The following DCC variants were observed in gnomAD, a reference collection of about 807,000 sequenced individuals.
DCC encodes DCC netrin 1 receptor, also known as netrin receptor DCC.
In DCC, 58 loss-of-function variants were observed where a neutral mutation model predicts 172.5. The observed-to-expected ratio is 0.34, with a 90% CI of 0.27 to 0.42. The LOEUF (loss-of-function observed/expected upper bound fraction) is 0.42, where lower values mean the gene tolerates loss of function less well. Among genes scored for constraint, DCC ranks in the 10% least tolerant of loss-of-function variants. DCC has a pLI of 1.00. For missense variants in DCC, 1,740 were observed against 1,791.0 expected, an observed-to-expected ratio of 0.97 and a Z score of 0.51; for synonymous variants, 709 against 644.5, an observed-to-expected ratio of 1.10 and a Z score of -1.52.
intron 12 of DCC, among the ~76,000 whole-genome samples, chr18:53,257,455 A>G (rs993619453): frequency 6.6e-6 from 1 of 152,218 alleles, no homozygotes; most frequent in African/African-American, 2.4e-5. Flanking sequence ...CCTTTTCTGC[A>G]TCTATTGAGA....
At position 52,398,422 on chromosome 18, in the gene DCC, C is replaced by T. The variant is rs575785332; in HGVS notation, c.91+57544C>T. Among the ~76,000 whole-genome samples the T allele has an allele frequency of 4.5e-4, 69 of 152,038 alleles. 5 individuals are homozygous for T. In the South Asian group the frequency reaches 0.014, roughly 31 times the overall value. On this transcript the variant is annotated intron_variant, in intron 1 of 28. Transcript: ENST00000442544. ...AGGTGTTACTAACTTGATCATTCTT[C>T]TGGCACTCTATTACATACCATTTTG...
intron 1 of DCC, among the ~76,000 whole-genome samples, chr18:52,595,073 C>T (rs2033878296): frequency 1.3e-5 from 2 of 152,172 alleles, no homozygotes; most frequent in African/African-American, 4.8e-5. Context: ...GAATGTATCA[C>T]TTCCCTCTCC....
At chr18:52,854,748 C>A (rs965376442) in intron 2 of DCC, among the ~76,000 whole-genome samples, 1 of 152,120 alleles carries the variant, frequency 6.6e-6, no homozygotes. Flanking sequence ...ACAGAAAGCC[C>A]GCCAGCAGGG....
At chr18:53,375,191 G>A (rs542180314) in intron 15 of DCC, among the ~76,000 whole-genome samples, 1 of 152,158 alleles carries the variant, frequency 6.6e-6, no homozygotes, top group African/African-American at 2.4e-5. Flanking sequence ...AGGGACTCAG[G>A]TTCATATACT....
chr18:52,563,918 T>C (rs550499777), intron 1 of DCC, among the ~76,000 whole-genome samples: 2 of 152,272 alleles, frequency 1.3e-5, no homozygotes, highest in Non-Finnish European at 2.9e-5. Context: ...ACCCACTGTG[T>C]TCTAGTCAAT....
chr18:52,369,772 A>G (rs1457583907), intron 1 of DCC, among the ~76,000 whole-genome samples: 2 of 152,072 alleles, frequency 1.3e-5, no homozygotes, highest in Non-Finnish European at 2.9e-5. Context: ...TTGGTCTGTC[A>G]TGACTATATA....
At chr18:52,453,640 A>G (rs540630444) in intron 1 of DCC, among the ~76,000 whole-genome samples, 2 of 152,312 alleles carry the variant, frequency 1.3e-5, no homozygotes, top group African/African-American at 4.8e-5. Context: ...TCTACTTTCA[A>G]TCTGTGCCTT....
At chr18:52,576,838 A>G (rs892087530) in intron 1 of DCC, among the ~76,000 whole-genome samples, 3 of 151,640 alleles carry the variant, frequency 2.0e-5, no homozygotes, top group Non-Finnish European at 4.4e-5. Flanking sequence ...TCAAAAAAAA[A>G]AAAAAAGAAA....
intron 12 of DCC, among the ~76,000 whole-genome samples, chr18:53,300,922 G>T (rs1281050404): frequency 1.1e-4 from 10 of 88,270 alleles, no homozygotes; most frequent in Non-Finnish European, 2.9e-4. Flanking sequence ...GGACAGGGAG[G>T]TCCTGGACAA....
At chr18:52,834,753 T>A (rs1334094782) in intron 2 of DCC, among the ~76,000 whole-genome samples, 3 of 152,204 alleles carry the variant, frequency 2.0e-5, no homozygotes, top group South Asian at 4.1e-4. Flanking sequence ...ACCATTTTTT[T>A]AATTCTCTGT....
intron 7 of DCC, among the ~76,000 whole-genome samples, chr18:53,109,857 A>C (rs2043304848): frequency 6.6e-6 from 1 of 151,602 alleles, no homozygotes; most frequent in South Asian, 2.1e-4. Context: ...CCATTACAGG[A>C]AGCAGAATTC....
intron 19 of DCC, among the ~76,000 whole-genome samples, chr18:53,408,450 T>C (rs973205586): frequency 3.3e-5 from 5 of 152,206 alleles, no homozygotes; most frequent in African/African-American, 1.2e-4. Context: ...GTATTCTCCA[T>C]TGGGCAGACG....
chr18:52,742,757 C>A (rs1238434441), intron 1 of DCC, among the ~76,000 whole-genome samples: 1 of 150,536 alleles, frequency 6.6e-6, no homozygotes, highest in Non-Finnish European at 1.5e-5. Context: ...GAAGTGAGAA[C>A]TATGACATGT....
chr18:52,957,617 GA>G (rs1323508689), intron 5 of DCC, among the ~76,000 whole-genome samples: 3 of 152,104 alleles, frequency 2.0e-5, no homozygotes, highest in African/African-American at 7.2e-5. Context: ...TTTAAGAGAA[GA>G]CTATAAAGTA....
Position 53,491,691 on chromosome 18 carries a change from G to A in DCC, c.3898+4733G>A, listed in dbSNP as rs545691468. Among the ~76,000 whole-genome samples, 3 of 152,266 alleles carry A rather than the reference G, an allele frequency of 2.0e-5. No homozygotes were observed. In the South Asian group the frequency reaches 6.2e-4, roughly 32 times the overall value. On this transcript the variant is annotated intron_variant, in intron 26 of 28. Coordinates refer to ENST00000442544, the MANE Select transcript of DCC (RefSeq NM_005215.4). ...TTATGGCTGCATTGTATTCCATGGT[G>A]TATATGTGCCACATTTTCTTTATCC...
chr18:53,410,502 A>T lies in DCC; in HGVS notation c.2986A>T (p.Ile996Phe), dbSNP rs1325990378. The change falls in exon 20 of 29, where the codon ATT (isoleucine) becomes TTT (phenylalanine). Residue 996 changes from isoleucine to phenylalanine, a missense_variant. Around this residue, in one of 2 missense-constraint regions of DCC, gnomAD observed 1,732 missense variants for 1,767.4 expected, o/e 0.98. Transcript: ENST00000442544. ...CAAGAACATCCCAATTGATGACTGG[A>T]TTATGGAAACAATCAGTGGTGATAG... Reference protein sequence around the residue: ...LDKNIPIDDWIMETISGDRLT... With the variant: ...LDKNIPIDDWFMETISGDRLT... The T allele has an allele frequency of 6.2e-7, 1 of 1,610,138 alleles. No homozygotes were observed. The highest frequency in any genetic ancestry group is 2.2e-5 in the East Asian group (1 of 44,850).
chr18:52,806,236 C>T (rs996556679), intron 2 of DCC, among the ~76,000 whole-genome samples: 2 of 152,060 alleles, frequency 1.3e-5, no homozygotes, highest in African/African-American at 2.4e-5. Flanking sequence ...TCCCATACAC[C>T]CCAGTCCCCA....
intron 1 of DCC, among the ~76,000 whole-genome samples, chr18:52,362,993 G>T (rs1319237993): frequency 1.3e-5 from 2 of 152,088 alleles, no homozygotes; most frequent in Non-Finnish European, 2.9e-5. Flanking sequence ...CTGCCTTCCG[G>T]GTTCAAGCGA....
At chr18:53,107,583 A>T (rs1367151880) in intron 7 of DCC, among the ~76,000 whole-genome samples, 2 of 151,372 alleles carry the variant, frequency 1.3e-5, no homozygotes, top group African/African-American at 4.8e-5. Flanking sequence ...AACCTCAAAC[A>T]GCTTATACTA....
Sources: gnomAD v4.1 joint callset for allele counts (sites outside exome capture counted in the v4.1 genomes callset) on GRCh38, gnomAD v4.1.1 for gene constraint, gnomAD v4.1.1 regional missense constraint, MANE v1.5 for transcripts, NCBI Gene and HGNC (gene_info 2026-07-23, HGNC 2026-07-21) for gene names.